KCNK9: variants seen among roughly 807,000 people sequenced by gnomAD.
KCNK9 encodes the protein potassium two pore domain channel subfamily K member 9.
KCNK9 carries 1 observed loss-of-function variant against 10.8 expected under a neutral mutation model. The ratio of observed to expected loss-of-function variants is 0.09; its 90% CI spans 0.03 to 0.44. The LOEUF (loss-of-function observed/expected upper bound fraction) is 0.44. Among genes scored for constraint, KCNK9 ranks in the 20% least tolerant of loss-of-function variants. The probability of loss-of-function intolerance (pLI) is 0.97; values close to 1 mark genes in which losing one functional copy is unlikely to be tolerated. For missense variants in KCNK9, 303 were observed against 515.0 expected (o/e 0.59, Z 3.98); for synonymous variants, 231 against 222.7 (o/e 1.04, Z -0.33).
intron 1 of KCNK9, among the ~76,000 whole-genome samples, chr8:139,696,011 C>G (rs537878011): frequency 1.3e-5 from 2 of 152,304 alleles, no homozygotes; most frequent in African/African-American, 2.4e-5. Flanking sequence ...CTAAGCCCCC[C>G]ACGTTCCAGT....
At chr8:139,609,106 A>ACCCCCTCCCC (rs1554617339), downstream of KCNK9, among the ~76,000 whole-genome samples, 12 of 123,852 alleles carry the variant, frequency 9.7e-5, no homozygotes, top group South Asian at 1.1e-3. Context: ...GACCCATCCC[A>ACCCCCTCCCC]CCCCACCCCG....
At chr8:139,656,426 C>T (rs11989380) in intron 1 of KCNK9, among the ~76,000 whole-genome samples, 5,019 of 152,214 alleles carry the variant, frequency 0.033, 244 homozygotes, top group African/African-American at 0.11. Flanking sequence ...TTCCCCACGC[C>T]GCTCCCTCGG....
chr8:139,604,490 G>T (rs1254256634), intron 2 of KCNK9, among the ~76,000 whole-genome samples: 1 of 152,160 alleles, frequency 6.6e-6, no homozygotes, highest in East Asian at 1.9e-4. Context: ...GCATCTGCAC[G>T]CCATGGAGAG....
intron 1 of KCNK9, among the ~76,000 whole-genome samples, chr8:139,673,344 A>T (rs1006459942): frequency 1.3e-5 from 2 of 152,180 alleles, no homozygotes; most frequent in Non-Finnish European, 2.9e-5. Context: ...AAATTAGGGG[A>T]TTGTATGCTA....
intron 1 of KCNK9, among the ~76,000 whole-genome samples, chr8:139,640,089 T>A (rs1209844656): frequency 6.6e-6 from 1 of 151,682 alleles, no homozygotes. Context: ...ATCCCTGACC[T>A]CCCAGGCCAG....
intron 1 of KCNK9, among the ~76,000 whole-genome samples, chr8:139,626,499 T>TCCAG (rs1484672639): frequency 6.6e-6 from 1 of 152,156 alleles, no homozygotes; most frequent in Non-Finnish European, 1.5e-5. Context: ...GTCAGGCCAG[T>TCCAG]CCAGGTTTGA....
intron 1 of KCNK9, among the ~76,000 whole-genome samples, chr8:139,640,963 T>C (rs182003966): frequency 7.2e-5 from 11 of 152,356 alleles, no homozygotes; most frequent in Non-Finnish European, 1.5e-4. Flanking sequence ...TATCGCTGAA[T>C]CACAGGTTTT....
intron 1 of KCNK9, among the ~76,000 whole-genome samples, chr8:139,623,198 GAGGAGAATGAGGTACAAATCT>G (rs1365460375): frequency 1.3e-5 from 2 of 152,182 alleles, no homozygotes; most frequent in African/African-American, 4.8e-5. Flanking sequence ...CTCTTCCCAA[GAGGAGAATGAGGTACAAATCT>G]AATACATTCC....
intron 1 of KCNK9, among the ~76,000 whole-genome samples, chr8:139,700,751 G>A (rs1016898303): frequency 9.2e-5 from 14 of 152,082 alleles, no homozygotes; most frequent in African/African-American, 3.1e-4. Flanking sequence ...AGTTTTAACC[G>A]TTACAGGCAT....
At chr8:139,657,488 T>C (rs557480650) in intron 1 of KCNK9, among the ~76,000 whole-genome samples, 3 of 152,062 alleles carry the variant, frequency 2.0e-5, no homozygotes, top group Non-Finnish European at 4.4e-5. Flanking sequence ...CAGTGAACCC[T>C]CTCTGCCTGT....
chr8:139,634,883 C>T (rs1194999184), intron 1 of KCNK9, among the ~76,000 whole-genome samples: 1 of 152,172 alleles, frequency 6.6e-6, no homozygotes, highest in African/African-American at 2.4e-5. Flanking sequence ...GGGTGTTTTA[C>T]AAAGAGCTTC....
intron 1 of KCNK9, among the ~76,000 whole-genome samples, chr8:139,653,159 G>A (rs865958240): frequency 3.5e-4 from 53 of 152,282 alleles, no homozygotes; most frequent in South Asian, 3.3e-3. Flanking sequence ...GAAGCATCAC[G>A]GATGCCACCA....
intron 1 of KCNK9, among the ~76,000 whole-genome samples, chr8:139,619,659 T>G (rs1321908529): frequency 6.6e-6 from 1 of 152,078 alleles, no homozygotes. Flanking sequence ...CCATAATGAT[T>G]CCAACCCCAC....
chr8:139,633,058 G>C (rs1200846195), intron 1 of KCNK9, among the ~76,000 whole-genome samples: 2 of 152,234 alleles, frequency 1.3e-5, no homozygotes, highest in African/African-American at 4.8e-5. Context: ...GCAGTGGGGC[G>C]ATCTGGCAGG....
At chr8:139,678,111 C>T (rs898899827) in intron 1 of KCNK9, among the ~76,000 whole-genome samples, 1 of 152,154 alleles carries the variant, frequency 6.6e-6, no homozygotes, top group African/African-American at 2.4e-5. Flanking sequence ...CCAAAGGCTG[C>T]CCCCTGCTTG....
At chr8:139,668,519 T>C (rs1238690549) in intron 1 of KCNK9, among the ~76,000 whole-genome samples, 1 of 151,890 alleles carries the variant, frequency 6.6e-6, no homozygotes, top group African/African-American at 2.4e-5. Context: ...CCTCCCAGGT[T>C]CAAGCGATTA....
intron 1 of KCNK9, among the ~76,000 whole-genome samples, chr8:139,661,303 C>A (rs1207910176): frequency 1.3e-5 from 2 of 152,212 alleles, no homozygotes; most frequent in Non-Finnish European, 2.9e-5. Flanking sequence ...GGGATCCCCC[C>A]ACCCCAACTC....
chr8:139,656,148 G>A (rs1272843326), intron 1 of KCNK9, among the ~76,000 whole-genome samples: 1 of 152,164 alleles, frequency 6.6e-6, no homozygotes, highest in Non-Finnish European at 1.5e-5. Context: ...ACAGGCTGAT[G>A]CCCCCAGGTG....
chr8:139,641,848 G>A (rs1362067093), intron 1 of KCNK9, among the ~76,000 whole-genome samples: 2 of 152,142 alleles, frequency 1.3e-5, no homozygotes, highest in East Asian at 3.9e-4. Flanking sequence ...GGGCCACACT[G>A]GTGTCCAGCA....
Sources: allele counts gnomAD v4.1 joint callset (sites outside exome capture counted in the v4.1 genomes callset), GRCh38; gene constraint gnomAD v4.1.1; transcripts MANE v1.5; gene names NCBI Gene and HGNC (gene_info 2026-07-23, HGNC 2026-07-21).